The following SGTB variants were observed in gnomAD, a reference collection of about 807,000 sequenced individuals.
SGTB encodes small glutamine rich tetratricopeptide repeat co-chaperone beta.
Under a neutral mutation model 43.9 loss-of-function variants are expected in SGTB, and 19 were observed. That is an observed-to-expected ratio of 0.43 (90% CI 0.30 to 0.63). The LOEUF is 0.63. Among genes scored for constraint, SGTB ranks in the 30% least tolerant of loss-of-function variants. The pLI, the probability that SGTB is intolerant of heterozygous loss-of-function variation, is 0.12. For missense variants in SGTB, 304 were observed against 358.9 expected, an observed-to-expected ratio of 0.85 and a Z score of 1.24; for synonymous variants, 116 against 117.3, an observed-to-expected ratio of 0.99 and a Z score of 0.07.
At chr5:65,690,587 GAAAC>G in intron 5 of SGTB, among the ~76,000 whole-genome samples, 1 of 152,180 alleles carries the variant, frequency 6.6e-6, no homozygotes, top group East Asian at 1.9e-4. Flanking sequence ...CAGGAGAACT[GAAAC>G]AACAAAAAAG....
At chr5:65,707,435 CAT>C (rs1222821554) in intron 4 of SGTB, among the ~76,000 whole-genome samples, 49 of 141,096 alleles carry the variant, frequency 3.5e-4, no homozygotes, top group South Asian at 9.2e-4. Context: ...CACACACACA[CAT>C]ATATTTTTTT....
At chr5:65,672,575 G>C (rs1000100769) in intron 8 of SGTB, among the ~76,000 whole-genome samples, 3 of 152,102 alleles carry the variant, frequency 2.0e-5, no homozygotes, top group Non-Finnish European at 4.4e-5. Context: ...AGGAAAAATA[G>C]GAACTTTAAA....
intron 6 of SGTB, among the ~76,000 whole-genome samples, chr5:65,683,300 T>G (rs944956281): frequency 7.2e-5 from 11 of 152,112 alleles, no homozygotes; most frequent in African/African-American, 2.7e-4. Context: ...TCACCCTCAG[T>G]TGAGATCGAG....
chr5:65,680,570 A>T lies in SGTB; in HGVS notation c.619-14T>A, dbSNP rs772782440. 1.9e-5 allele frequency: 31 copies of T among 1,614,004 alleles called. No homozygotes were observed. Among genetic ancestry groups the T allele is most frequent in the Non-Finnish European group, 2.2e-5 (26 of 1,179,996 alleles). On this transcript the variant is annotated splice_polypyrimidine_tract_variant and intron_variant, in intron 7 of 10. Transcript: ENST00000381007. Reference sequence around the variant, plus strand: ...TCCAGTTCCTGTCTGTAAAACAATTATATCTGAGAATCAGTCCAGTATCTA... The same window carrying T: ...TCCAGTTCCTGTCTGTAAAACAATTTTATCTGAGAATCAGTCCAGTATCTA...
intron 5 of SGTB, among the ~76,000 whole-genome samples, chr5:65,700,362 G>A (rs1561161453): frequency 6.6e-6 from 1 of 152,064 alleles, no homozygotes; most frequent in Non-Finnish European, 1.5e-5. Context: ...TAAAATGTAA[G>A]GTACTGTCAT....
intron 5 of SGTB, 141 bp downstream of exon 5, chr5:65,704,138 G>T: frequency 2.1e-6 from 1 of 478,944 alleles, no homozygotes; most frequent in Non-Finnish European, 3.5e-6. Context: ...GTGGTAAGTT[G>T]GTTAAGTTTA....
intron 8 of SGTB, among the ~76,000 whole-genome samples, chr5:65,679,844 C>T (rs550298959): frequency 5.3e-5 from 8 of 152,332 alleles, no homozygotes; most frequent in African/African-American, 1.9e-4. Flanking sequence ...AATCTTTCTA[C>T]TGTAAATACA....
chr5:65,712,989 G>A lies in SGTB; in HGVS notation c.176C>T (p.Thr59Ile). The A allele has an allele frequency of 1.2e-6, 2 of 1,613,686 alleles. No homozygotes were observed. The highest frequency in any genetic ancestry group is 1.7e-6 in the Non-Finnish European group (2 of 1,179,768). The change falls in exon 3 of 11, where the codon ACA becomes ATA. Residue 59 changes from threonine to isoleucine, a missense_variant. Transcript: ENST00000381007. ...ACAGAAGGAACTGGTAAACATTTCT[G>A]TCAAAGGCTGTGAAACTGCTAGGTG... is the stretch of plus-strand genomic sequence containing the variant. ...DTHLAVSQPL[T>I]EMFTSSFCKN...
intron 6 of SGTB, among the ~76,000 whole-genome samples, chr5:65,685,165 T>A (rs903629938): frequency 1.3e-5 from 2 of 152,244 alleles, no homozygotes; most frequent in African/African-American, 4.8e-5. Context: ...TACGGTTATA[T>A]AATTTTCTCC....
chr5:65,680,970 T>C (rs73763183), intron 6 of SGTB, among the ~76,000 whole-genome samples, 176 bp from the exon 7 acceptor site: 6,005 of 152,196 alleles, frequency 0.039, 397 homozygotes, highest in African/African-American at 0.14. Flanking sequence ...AGATTCTATA[T>C]ATCTGAACTC....
intron 6 of SGTB, 67 bp downstream of exon 6, chr5:65,685,301 C>G: frequency 2.1e-6 from 3 of 1,397,554 alleles, no homozygotes; most frequent in Non-Finnish European, 3.0e-6. Flanking sequence ...AAATTCAAAA[C>G]CAAGCCATTA....
intron 8 of SGTB, among the ~76,000 whole-genome samples, chr5:65,672,609 A>C (rs1036732599): frequency 6.6e-6 from 1 of 152,206 alleles, no homozygotes; most frequent in Non-Finnish European, 1.5e-5. Context: ...GATCTCCTAC[A>C]CTTGAGAAGG....
chr5:65,671,546 C>T (rs1757153449), intron 10 of SGTB, among the ~76,000 whole-genome samples: 1 of 151,516 alleles, frequency 6.6e-6, no homozygotes, highest in Admixed American at 6.6e-5. Context: ...ATATCTGTCC[C>T]TCACCTGCCT....
intron 5 of SGTB, among the ~76,000 whole-genome samples, chr5:65,698,847 G>A (rs1230595010): frequency 1.3e-5 from 2 of 152,128 alleles, no homozygotes; most frequent in African/African-American, 4.8e-5. Flanking sequence ...CCTTACTCTT[G>A]CAAGAATGGC....
intron 5 of SGTB, among the ~76,000 whole-genome samples, chr5:65,701,977 C>G (rs1434290878): frequency 6.6e-6 from 1 of 152,204 alleles, no homozygotes; most frequent in Admixed American, 6.5e-5. Context: ...TTTAGTTCCT[C>G]AATTGCTCTC....
intron 5 of SGTB, among the ~76,000 whole-genome samples, chr5:65,687,727 G>A (rs942790657): frequency 6.6e-6 from 1 of 152,198 alleles, no homozygotes; most frequent in Non-Finnish European, 1.5e-5. Flanking sequence ...TTAACTGAAT[G>A]ACAATGGAAT....
intron 5 of SGTB, among the ~76,000 whole-genome samples, chr5:65,688,217 A>C (rs1757535940): frequency 6.6e-6 from 1 of 152,114 alleles, no homozygotes; most frequent in Non-Finnish European, 1.5e-5. Context: ...CCACTGGAAG[A>C]AAAAAAATCT....
intron 4 of SGTB, among the ~76,000 whole-genome samples, chr5:65,707,215 A>T (rs942535741): frequency 1.3e-5 from 2 of 151,548 alleles, no homozygotes; most frequent in African/African-American, 4.8e-5. Context: ...GTGAGCCGAG[A>T]TCCTGCCACT....
At chr5:65,686,204 G>A (rs1757495018) in intron 5 of SGTB, among the ~76,000 whole-genome samples, 1 of 152,206 alleles carries the variant, frequency 6.6e-6, no homozygotes, top group Admixed American at 6.5e-5. Context: ...TTGGACCAAG[G>A]AGGGCCAGGG....
Sources: allele counts gnomAD v4.1 joint callset (sites outside exome capture counted in the v4.1 genomes callset), GRCh38; gene constraint gnomAD v4.1.1; transcripts MANE v1.5; gene names NCBI Gene and HGNC (gene_info 2026-07-23, HGNC 2026-07-21).